The following LONP1 variants were observed in gnomAD, a reference collection of about 807,000 sequenced individuals.
The protein encoded by LONP1 is lon protease homolog, mitochondrial.
A neutral mutation model predicts 98.5 loss-of-function variants in LONP1; 31 were observed. The observed-to-expected ratio is 0.31, with a 90% CI of 0.24 to 0.42. The LOEUF is 0.42. Among genes scored for constraint, LONP1 ranks in the 20% least tolerant of loss-of-function variants. LONP1 has a pLI of 1.00. For synonymous variants in LONP1, 781 were observed against 594.7 expected (o/e 1.31, Z -4.56); for missense variants, 1,336 against 1,350.6 (o/e 0.99, Z 0.17).
intron 1 of LONP1, among the ~76,000 whole-genome samples, chr19:5,716,253 A>T (rs896843846): frequency 4.2e-5 from 3 of 71,712 alleles, no homozygotes; most frequent in Admixed American, 1.7e-4. Flanking sequence ...ATAAAGTTAA[A>T]ATATACATAT....
chr19:5,705,457 C>CAAA (rs552452093), intron 8 of LONP1, among the ~76,000 whole-genome samples: 110 of 105,966 alleles, frequency 1.0e-3, no homozygotes, highest in Non-Finnish European at 1.4e-3. Context: ...GACTCCATTT[C>CAAA]AAAAAAAAAA....
chr19:5,693,886 G>A (rs1003697214), intron 15 of LONP1, 117 bp from the exon 16 acceptor site: 4 of 855,786 alleles, frequency 4.7e-6, no homozygotes, highest in African/African-American at 3.4e-5. Context: ...TGGTGCCCCT[G>A]GGCAGGGGTT....
intron 1 of LONP1, among the ~76,000 whole-genome samples, chr19:5,716,300 A>ATATG (rs1568329236): frequency 3.4e-5 from 4 of 118,658 alleles, no homozygotes; most frequent in African/African-American, 1.3e-4. Flanking sequence ...ATATATATAT[A>ATATG]GTAATGGCCC....
chr19:5,694,575 T>C (rs1444649825), intron 14 of LONP1, 23 bp from the exon 15 acceptor site: 1 of 1,591,274 alleles, frequency 6.3e-7, no homozygotes, highest in Admixed American at 1.7e-5. Flanking sequence ...GGCAACACAA[T>C]GGGCACGGGA....
chr19:5,693,460 G>A lies in LONP1; in HGVS notation c.2541C>T (p.Gly847=), dbSNP rs369246772. The change falls in exon 17 of 18, where the codon GGC becomes GGT. Residue 847 remains glycine (G), a splice_region_variant and synonymous_variant. Transcript: ENST00000360614. ...TSHIHLHVPE[G]ATPKDGPSAG... ...CGCTTGGGCCGTCCTTGGGGGTGGC[G>A]CCCTGTGGAGGCATGTGGGGATAGT... The A allele has an allele frequency of 2.5e-5, 41 of 1,610,832 alleles. No homozygotes were observed. In the East Asian group the frequency reaches 2.7e-4, roughly 11 times the overall value.
In LONP1 at chr19:5,714,464, C is replaced by G. The variant is rs568565331; in HGVS notation, c.430-193G>C. ...GGATTACAGGCATGCACCACCACAC[C>G]TGGCTAATTTTTTTATTTTTAGTAG... is the stretch of plus-strand genomic sequence containing the variant. On this transcript the variant is annotated intron_variant, in intron 1 of 17. Coordinates refer to ENST00000360614, the MANE Select transcript of LONP1 (RefSeq NM_004793.4). Among the ~76,000 whole-genome samples the G allele has an allele frequency of 8.0e-4, 122 of 152,070 alleles. 2 individuals are homozygous for G. The South Asian group carries it at 0.025, about 31-fold the overall frequency.
rs1166491115 is a variant in LONP1, at chr19:5,691,855, T to C, written c.*177A>G. 1 of 818,358 alleles carries C rather than the reference T, an allele frequency of 1.2e-6. No individual in the cohort carries two copies. The highest frequency in any genetic ancestry group is 1.9e-6 in the Non-Finnish European group (1 of 528,614). 50.7% of individuals were successfully genotyped at this position (818,358 alleles called of 1,614,324 possible). ...GCCGTACTGCAAATGACTTTAATCA[T>C]TAAATAGCTTCTATGCCACACTCTG... On this transcript the variant is annotated 3_prime_UTR_variant, in exon 18 of 18. Coordinates refer to ENST00000360614, the MANE Select transcript of LONP1 (RefSeq NM_004793.4).
intron 5 of LONP1, 27 bp from the exon 6 acceptor site, chr19:5,707,853 T>C (rs775644463): frequency 6.2e-7 from 1 of 1,611,026 alleles, no homozygotes; most frequent in Middle Eastern, 1.7e-4. Flanking sequence ...GCTGCCTCGG[T>C]GGCCAGGGCC....
intron 7 of LONP1, among the ~76,000 whole-genome samples, chr19:5,706,212 C>G (rs898163583): frequency 1.8e-4 from 27 of 152,236 alleles, no homozygotes; most frequent in African/African-American, 4.8e-4. Flanking sequence ...TCATAGCTCA[C>G]CGTAGCCTCC....
At chr19:5,701,764 A>G (rs1257519206) in intron 8 of LONP1, among the ~76,000 whole-genome samples, 1 of 150,048 alleles carries the variant, frequency 6.7e-6, no homozygotes, top group African/African-American at 2.5e-5. Context: ...CTGTCTGGGA[A>G]GTGAGGAGCG....
At chr19:5,695,728 G>A (rs905527799) in intron 13 of LONP1, among the ~76,000 whole-genome samples, 7 of 152,148 alleles carry the variant, frequency 4.6e-5, no homozygotes, top group African/African-American at 7.2e-5. Context: ...CACTGCTTCC[G>A]GCTGCCAGAA....
chr19:5,709,845 G>A (rs2055208060), intron 4 of LONP1, among the ~76,000 whole-genome samples: 1 of 146,250 alleles, frequency 6.8e-6, no homozygotes, highest in African/African-American at 2.6e-5. Flanking sequence ...CCGGGAGGTG[G>A]AGCTTGCGGT....
In LONP1 at chr19:5,699,191, A is replaced by G. The variant is rs2145592575; in HGVS notation, c.1521T>C (p.Val507=). The G allele has an allele frequency of 6.7e-7, 1 of 1,502,802 alleles. No homozygotes were observed. Among genetic ancestry groups the G allele is most frequent in the Non-Finnish European group, 8.9e-7 (1 of 1,119,924 alleles). The allele number at this position is 1,502,802 out of a possible 1,614,324, so 93.1% of individuals were successfully genotyped here. The change falls in exon 10 of 18, where the codon GTT becomes GTC. Residue 507 remains valine, a synonymous_variant. Coordinates refer to ENST00000360614, the MANE Select transcript of LONP1 (RefSeq NM_004793.4). ...VKKRILEFIA[V]SQLRGSTQGK... ...CCTGGGTGGAGCCGCGGAGCTGGCT[A>G]ACGGCAATGAACTCCTGCAGACAGA...
At chr19:5,702,707 G>A (rs371119649) in intron 8 of LONP1, among the ~76,000 whole-genome samples, 11 of 152,028 alleles carry the variant, frequency 7.2e-5, no homozygotes, top group South Asian at 6.2e-4. Flanking sequence ...CCTGTTGATC[G>A]GTGACCTTAC....
rs186751286 is a variant in LONP1 at position 5,693,513 on chromosome 19, G to A, written c.2538+39C>T. 734 of 1,612,776 alleles carry A rather than the reference G, an allele frequency of 4.6e-4. 3 individuals carry two copies. The African/African-American group carries it at 8.3e-3, about 18-fold the overall frequency. ...GTGAGCAGGTGGCCAGCAGCCCAGG[G>A]ACTGGGCGGGAGCAGGTGGGAGCGG... is the stretch of plus-strand genomic sequence containing the variant. On this transcript the variant is annotated intron_variant, in intron 16 of 17. Transcript: ENST00000360614.
At chr19:5,705,706 C>A in intron 8 of LONP1, 66 bp downstream of exon 8, 49 of 1,488,782 alleles carry the variant, frequency 3.3e-5, no homozygotes, top group Non-Finnish European at 4.4e-5. Flanking sequence ...GGTCCCCTGG[C>A]CTGCCTAAGA....
chr19:5,698,731 G>A (rs938278848), intron 10 of LONP1, among the ~76,000 whole-genome samples: 4 of 152,172 alleles, frequency 2.6e-5, no homozygotes, highest in African/African-American at 7.2e-5. Flanking sequence ...GCTCTGGCCC[G>A]GGCATTGCAG....
At chr19:5,702,519 G>A (rs2055072402) in intron 8 of LONP1, among the ~76,000 whole-genome samples, 1 of 152,154 alleles carries the variant, frequency 6.6e-6, no homozygotes, top group Non-Finnish European at 1.5e-5. Context: ...CGCCCCATCT[G>A]GGAGGTGTAC....
chr19:5,695,907 G>A (rs62107403), intron 13 of LONP1, 147 bp downstream of exon 13: 2 of 668,660 alleles, frequency 3.0e-6, no homozygotes, highest in South Asian at 1.9e-5. Flanking sequence ...CGTCTGGTGT[G>A]TCTCTCACGG....
Sources: gnomAD v4.1 joint callset for allele counts (sites outside exome capture counted in the v4.1 genomes callset) on GRCh38, gnomAD v4.1.1 for gene constraint, MANE v1.5 for transcripts, NCBI Gene and HGNC (gene_info 2026-07-23, HGNC 2026-07-21) for gene names.